Variants in ADCY9 observed in about 807,000 individuals in gnomAD.
ADCY9 encodes the protein adenylate cyclase type 9.
Under a neutral mutation model 101.5 loss-of-function variants are expected in ADCY9, and 50 were observed. The observed-to-expected ratio is 0.49, with a 90% CI of 0.39 to 0.62. ADCY9 has a LOEUF of 0.62. ADCY9 is among the 20% of genes least tolerant of loss of function. ADCY9 has a pLI of 0.00. For synonymous variants in ADCY9, 905 were observed against 769.3 expected, an observed-to-expected ratio of 1.18 and a Z score of -2.92; for missense variants, 1,662 against 1,800.4, an observed-to-expected ratio of 0.92 and a Z score of 1.39.
intron 7 of ADCY9, among the ~76,000 whole-genome samples, chr16:3,980,237 G>A (rs577356781): frequency 6.6e-6 from 1 of 152,224 alleles, no homozygotes; most frequent in East Asian, 1.9e-4. Context: ...CCTTTTGCAG[G>A]CGTGTGTCTA....
chr16:4,057,062 A>T (rs1284702951), intron 2 of ADCY9, among the ~76,000 whole-genome samples: 2 of 108,734 alleles, frequency 1.8e-5, no homozygotes, highest in African/African-American at 3.7e-5. Flanking sequence ...CGCCAATCTT[A>T]CTCTTCTGTT....
chr16:4,079,665 G>A (rs1045581709), intron 2 of ADCY9, among the ~76,000 whole-genome samples: 1 of 152,134 alleles, frequency 6.6e-6, no homozygotes, highest in Non-Finnish European at 1.5e-5. Flanking sequence ...GGTGTTAATG[G>A]TGTTTAATGG....
intron 3 of ADCY9, among the ~76,000 whole-genome samples, chr16:3,994,650 G>C (rs1269098126): frequency 2.0e-5 from 3 of 152,138 alleles, no homozygotes; most frequent in African/African-American, 7.2e-5. Context: ...TAGAAACGGG[G>C]TTTCGCCATG....
At chr16:3,976,982 C>T (rs2056097789) in intron 9 of ADCY9, among the ~76,000 whole-genome samples, 1 of 152,158 alleles carries the variant, frequency 6.6e-6, no homozygotes, top group Admixed American at 6.5e-5. Context: ...GAAATAAGCC[C>T]CAGGTGACTT....
intron 2 of ADCY9, among the ~76,000 whole-genome samples, chr16:4,102,332 A>G (rs1487970958): frequency 6.6e-6 from 1 of 152,158 alleles, no homozygotes; most frequent in East Asian, 1.9e-4. Context: ...TTAAGCCCGA[A>G]TGTATCAGAA....
chr16:3,959,197 C>G (rs186924690), downstream of ADCY9, among the ~76,000 whole-genome samples: 247 of 151,862 alleles, frequency 1.6e-3, no homozygotes, highest in Middle Eastern at 0.017. Flanking sequence ...CCCATCTCCA[C>G]AAAAAATACA....
At chr16:4,109,236 T>G (rs2057098677) in intron 2 of ADCY9, among the ~76,000 whole-genome samples, 1 of 152,060 alleles carries the variant, frequency 6.6e-6, no homozygotes, top group Admixed American at 6.6e-5. Flanking sequence ...AAGGCCTGGT[T>G]TTTGTTTCTT....
intron 2 of ADCY9, among the ~76,000 whole-genome samples, chr16:4,053,455 T>C (rs2056714881): frequency 6.6e-6 from 1 of 152,138 alleles, no homozygotes; most frequent in Non-Finnish European, 1.5e-5. Context: ...GTTGGCAGTG[T>C]CCCCAGAGCA....
intron 2 of ADCY9, among the ~76,000 whole-genome samples, chr16:4,049,980 G>T (rs111836705): frequency 8.1e-5 from 12 of 148,872 alleles, no homozygotes; most frequent in African/African-American, 3.0e-4. Context: ...GCAGTGAGCC[G>T]AGATCACACC....
chr16:4,093,440 A>G (rs906190705), intron 2 of ADCY9, among the ~76,000 whole-genome samples: 1 of 152,276 alleles, frequency 6.6e-6, no homozygotes, highest in African/African-American at 2.4e-5. Context: ...ATTCAGTATT[A>G]AATCTCATGG....
intron 3 of ADCY9, among the ~76,000 whole-genome samples, chr16:4,003,633 C>G (rs2056347202): frequency 6.7e-6 from 1 of 148,336 alleles, no homozygotes; most frequent in South Asian, 2.1e-4. Context: ...GGCATCATCA[C>G]AGCTCACTGC....
chr16:4,053,527 C>T (rs946446927), intron 2 of ADCY9, among the ~76,000 whole-genome samples: 5 of 152,202 alleles, frequency 3.3e-5, no homozygotes, highest in African/African-American at 9.6e-5. Context: ...CAGTTGGGCA[C>T]TTGTCGCCAC....
chr16:3,996,440 C>T (rs2056287565), intron 3 of ADCY9, among the ~76,000 whole-genome samples: 1 of 152,138 alleles, frequency 6.6e-6, no homozygotes, highest in South Asian at 2.1e-4. Context: ...AAAAATCTAA[C>T]ACCAAGAGAA....
chr16:4,047,854 C>T (rs923745144), intron 2 of ADCY9, among the ~76,000 whole-genome samples: 4 of 152,216 alleles, frequency 2.6e-5, no homozygotes, highest in Non-Finnish European at 5.9e-5. Context: ...CCACCGCATC[C>T]GGCCAGAGTG....
chr16:3,988,281 G>A (rs1345092299), intron 6 of ADCY9, among the ~76,000 whole-genome samples: 1 of 151,858 alleles, frequency 6.6e-6, no homozygotes, highest in African/African-American at 2.4e-5. Context: ...GGGCGGGAGA[G>A]GGAACATGGA....
chr16:3,981,218 A>G (rs1017361841), intron 7 of ADCY9, among the ~76,000 whole-genome samples: 1 of 152,246 alleles, frequency 6.6e-6, no homozygotes, highest in Non-Finnish European at 1.5e-5. Context: ...ATGTCTGTGC[A>G]GGCAGTTCCA....
chr16:4,037,879 C>G (rs529075429), intron 2 of ADCY9, among the ~76,000 whole-genome samples: 1 of 152,174 alleles, frequency 6.6e-6, no homozygotes, highest in Non-Finnish European at 1.5e-5. Flanking sequence ...AGAAAAGAGA[C>G]AATCCATTTA....
chr16:4,102,297 A>G (rs866917999), intron 2 of ADCY9, among the ~76,000 whole-genome samples: 1 of 152,182 alleles, frequency 6.6e-6, no homozygotes, highest in Non-Finnish European at 1.5e-5. Context: ...AAAGTCCCAC[A>G]GTTAGGAAAC....
intron 2 of ADCY9, among the ~76,000 whole-genome samples, chr16:4,012,703 G>A (rs376488946): frequency 9.9e-5 from 15 of 152,164 alleles, no homozygotes; most frequent in African/African-American, 2.7e-4. Context: ...GGAGGTTAAC[G>A]CAGTTAACGT....
Sources: gnomAD v4.1 joint callset for allele counts (sites outside exome capture counted in the v4.1 genomes callset) on GRCh38, gnomAD v4.1.1 for gene constraint, MANE v1.5 for transcripts, NCBI Gene and HGNC (gene_info 2026-07-23, HGNC 2026-07-21) for gene names.